Variants in GREB1L observed in about 807,000 individuals in gnomAD.
GREB1L encodes GREB1-like protein.
A neutral mutation model predicts 200.8 loss-of-function variants in GREB1L; 17 were observed. The ratio of observed to expected loss-of-function variants is 0.08; its 90% CI spans 0.06 to 0.13. GREB1L has a LOEUF of 0.13. GREB1L is among the 10% of genes least tolerant of loss of function. The pLI, the probability that GREB1L is intolerant of heterozygous loss-of-function variation, is 1.00. For synonymous variants in GREB1L, 789 were observed against 893.0 expected, an observed-to-expected ratio of 0.88 and a Z score of 2.08; for missense variants, 1,657 against 2,367.7, an observed-to-expected ratio of 0.70 and a Z score of 6.23.
At chr18:21,480,739 G>T (rs1251086340) in intron 17 of GREB1L, among the ~76,000 whole-genome samples, 2 of 152,122 alleles carry the variant, frequency 1.3e-5, no homozygotes, top group Non-Finnish European at 2.9e-5. Context: ...GATGGTTTAG[G>T]CCAAGCACAG....
intron 1 of GREB1L, among the ~76,000 whole-genome samples, chr18:21,339,442 A>G (rs2039236354): frequency 1.3e-5 from 2 of 152,306 alleles, no homozygotes; most frequent in African/African-American, 2.4e-5. Flanking sequence ...TTGATTAACA[A>G]TTTGATTACA....
At chr18:21,481,933 G>A (rs1411034633) in intron 17 of GREB1L, among the ~76,000 whole-genome samples, 28 of 152,180 alleles carry the variant, frequency 1.8e-4, no homozygotes, top group Middle Eastern at 6.8e-3. Context: ...TTTAGTAAAC[G>A]TATGTATGCA....
chr18:21,244,546 C>G (rs753442236), intron 1 of GREB1L, among the ~76,000 whole-genome samples: 84 of 152,066 alleles, frequency 5.5e-4, no homozygotes, highest in Non-Finnish European at 1.1e-3. Flanking sequence ...TTTTAAGGGT[C>G]CTTCGAACTC....
chr18:21,489,627 C>A (rs1208997270), intron 18 of GREB1L, among the ~76,000 whole-genome samples: 1 of 152,128 alleles, frequency 6.6e-6, no homozygotes, highest in African/African-American at 2.4e-5. Flanking sequence ...CAGAATTTAA[C>A]GTGCATGCAA....
intron 1 of GREB1L, among the ~76,000 whole-genome samples, chr18:21,254,146 T>G (rs1190342386): frequency 6.7e-6 from 1 of 148,222 alleles, no homozygotes; most frequent in East Asian, 2.0e-4. Flanking sequence ...CTTGACTCAT[T>G]GCAGCTTCCA....
intron 18 of GREB1L, among the ~76,000 whole-genome samples, chr18:21,489,358 C>T (rs1304265111): frequency 6.6e-6 from 1 of 152,102 alleles, no homozygotes; most frequent in Non-Finnish European, 1.5e-5. Context: ...TTCTCCAGCA[C>T]CAAGGAACAG....
At chr18:21,376,547 G>A (rs935838766) in intron 2 of GREB1L, among the ~76,000 whole-genome samples, 1 of 151,358 alleles carries the variant, frequency 6.6e-6, no homozygotes, top group Non-Finnish European at 1.5e-5. Context: ...GCTCATGCCT[G>A]TAATCCCAGC....
chr18:21,269,623 A>G (rs866640330), intron 1 of GREB1L, among the ~76,000 whole-genome samples: 2 of 152,330 alleles, frequency 1.3e-5, no homozygotes, highest in South Asian at 4.1e-4. Context: ...CAGAAGAGGA[A>G]ATAAACTAAT....
chr18:21,404,559 A>T (rs1234162543), intron 7 of GREB1L, among the ~76,000 whole-genome samples: 8 of 152,206 alleles, frequency 5.3e-5, no homozygotes. Flanking sequence ...CAGCAGAATG[A>T]CTGATCCTAC....
In GREB1L at chr18:21,254,685, A is replaced by C. The variant is rs1165507972; in HGVS notation, c.-120+12292A>C. 2.6e-5 allele frequency among the ~76,000 whole-genome samples: 4 copies of C among 152,174 alleles called. No homozygotes were observed. In the East Asian group the frequency reaches 7.7e-4, roughly 29 times the overall value. ...ATTCTTGGGTTAATTTGGGTGCTTG[A>C]CAATGTCCTCAAGAACCAAGATTCT... On this transcript the variant is annotated intron_variant, in intron 1 of 32. Coordinates refer to ENST00000424526, the MANE Select transcript of GREB1L (RefSeq NM_001142966.3).
intron 1 of GREB1L, among the ~76,000 whole-genome samples, chr18:21,278,310 G>T: frequency 6.7e-6 from 1 of 149,950 alleles, no homozygotes; most frequent in South Asian, 2.1e-4. Context: ...AACCTGGGAG[G>T]CAGAGGTTTC....
intron 21 of GREB1L, 145 bp from the exon 22 acceptor site, chr18:21,499,584 A>G (rs1202989253): frequency 1.6e-6 from 1 of 630,114 alleles, no homozygotes; most frequent in Non-Finnish European, 2.8e-6. Context: ...CAATGTGGAG[A>G]GCGGCAAAGA....
intron 5 of GREB1L, among the ~76,000 whole-genome samples, chr18:21,396,815 T>TCC (rs1312408060): frequency 6.6e-6 from 1 of 152,208 alleles, no homozygotes; most frequent in Non-Finnish European, 1.5e-5. Context: ...AGACTTGATT[T>TCC]ATTTTATTTT....
intron 27 of GREB1L, among the ~76,000 whole-genome samples, chr18:21,509,745 C>T (rs1392852905): frequency 6.6e-6 from 1 of 152,084 alleles, no homozygotes; most frequent in Non-Finnish European, 1.5e-5. Flanking sequence ...TTCTTCTGTG[C>T]CTGCCTGATC....
chr18:21,329,102 T>C (rs1008749901), intron 1 of GREB1L, among the ~76,000 whole-genome samples: 3 of 152,094 alleles, frequency 2.0e-5, no homozygotes, highest in Non-Finnish European at 4.4e-5. Context: ...GGCAGGCAGA[T>C]TGCTTGAGGC....
intron 1 of GREB1L, among the ~76,000 whole-genome samples, chr18:21,306,758 A>G (rs2038708116): frequency 1.3e-5 from 2 of 152,216 alleles, no homozygotes; most frequent in South Asian, 2.1e-4. Flanking sequence ...ACAACTTACT[A>G]TTTCTTTTGT....
In GREB1L at chr18:21,436,287, A is replaced by T. The variant is rs376561336; in HGVS notation, c.833-3234A>T. On this transcript the variant is annotated intron_variant, in intron 7 of 32. Transcript: ENST00000424526. ...GAGCCACCAACATATAGTTAAAGTCATCAGGGTAAATACTATAAGCCAAGG... is the reference window on the plus strand; with the variant it reads ...GAGCCACCAACATATAGTTAAAGTCTTCAGGGTAAATACTATAAGCCAAGG... Among the ~76,000 whole-genome samples, 38 of 152,292 alleles carry T rather than the reference A, an allele frequency of 2.5e-4. No homozygotes were observed. In the East Asian group the frequency reaches 6.2e-3, roughly 25 times the overall value.
At chr18:21,316,140 A>G (rs1360287482) in intron 1 of GREB1L, among the ~76,000 whole-genome samples, 4 of 152,126 alleles carry the variant, frequency 2.6e-5, no homozygotes, top group Admixed American at 6.5e-5. Flanking sequence ...TCACATGATG[A>G]GGAAAGGAGC....
At chr18:21,465,475 A>G (rs1349013480) in intron 15 of GREB1L, among the ~76,000 whole-genome samples, 1 of 152,172 alleles carries the variant, frequency 6.6e-6, no homozygotes, top group Non-Finnish European at 1.5e-5. Context: ...AGGGTAAAGT[A>G]TTATGATATA....
Sources: gnomAD v4.1 joint callset for allele counts (sites outside exome capture counted in the v4.1 genomes callset) on GRCh38, gnomAD v4.1.1 for gene constraint, MANE v1.5 for transcripts, NCBI Gene and HGNC (gene_info 2026-07-23, HGNC 2026-07-21) for gene names.